The following COP1 variants were observed in gnomAD, a reference collection of about 807,000 sequenced individuals.
COP1 encodes the protein COP1 E3 ubiquitin ligase, also known as E3 ubiquitin-protein ligase COP1.
A neutral mutation model predicts 101.3 loss-of-function variants in COP1; 24 were observed. The ratio of observed to expected loss-of-function variants is 0.24; its 90% confidence interval spans 0.17 to 0.33. The LOEUF (loss-of-function observed/expected upper bound fraction) is 0.33. COP1 is among the 10% of genes least tolerant of loss of function. COP1 has a pLI of 1.00. For synonymous variants in COP1, 347 were observed against 341.9 expected (o/e 1.01, Z -0.17); for missense variants, 663 against 906.2 (o/e 0.73, Z 3.45).
intron 1 of COP1, among the ~76,000 whole-genome samples, chr1:176,204,198 T>C (rs889851772): frequency 3.3e-5 from 5 of 152,182 alleles, no homozygotes; most frequent in Non-Finnish European, 5.9e-5. Context: ...ACAAACAAAA[T>C]TACTTCTCTG....
intron 18 of COP1, among the ~76,000 whole-genome samples, chr1:175,951,221 C>T (rs1488753331): frequency 6.6e-6 from 1 of 151,722 alleles, no homozygotes; most frequent in Non-Finnish European, 1.5e-5. Context: ...TGCACTACAG[C>T]CTGGCCAACA....
At chr1:176,036,788 G>A (rs1472425446) in intron 14 of COP1, among the ~76,000 whole-genome samples, 1 of 152,104 alleles carries the variant, frequency 6.6e-6, no homozygotes, top group Non-Finnish European at 1.5e-5. Context: ...TAAATATTCT[G>A]AGCACATTTA....
intron 15 of COP1, among the ~76,000 whole-genome samples, chr1:176,014,593 A>T (rs908649122): frequency 1.3e-5 from 2 of 152,268 alleles, no homozygotes; most frequent in South Asian, 2.1e-4. Context: ...ATGTTTTTTT[A>T]AAAATTAAAA....
chr1:176,122,406 T>C (rs2149642730), intron 8 of COP1, among the ~76,000 whole-genome samples: 1 of 152,266 alleles, frequency 6.6e-6, no homozygotes, highest in African/African-American at 2.4e-5. Flanking sequence ...GGAATATGAC[T>C]ATACTCTGAC....
chr1:176,191,504 C>T (rs191602215), intron 1 of COP1, among the ~76,000 whole-genome samples: 1 of 152,016 alleles, frequency 6.6e-6, no homozygotes, highest in East Asian at 1.9e-4. Context: ...TTTCTTAATT[C>T]TTCCTTTGCT....
intron 14 of COP1, among the ~76,000 whole-genome samples, chr1:176,032,167 C>T (rs541816493): frequency 1.3e-5 from 2 of 152,278 alleles, no homozygotes; most frequent in East Asian, 1.9e-4. Flanking sequence ...TCCAGACTCG[C>T]TTCTAAACTA....
intron 15 of COP1, among the ~76,000 whole-genome samples, chr1:175,998,480 AG>A (rs1239768451): frequency 6.6e-6 from 1 of 150,432 alleles, no homozygotes; most frequent in African/African-American, 2.5e-5. Flanking sequence ...AATTAAAAAA[AG>A]AGAAAAAAAA....
intron 11 of COP1, among the ~76,000 whole-genome samples, chr1:176,066,988 A>G (rs774466524): frequency 5.3e-5 from 8 of 152,160 alleles, no homozygotes; most frequent in Non-Finnish European, 1.2e-4. Flanking sequence ...ACCCACTCAT[A>G]TGACAACTTA....
At chr1:176,012,590 C>T (rs558486725) in intron 15 of COP1, among the ~76,000 whole-genome samples, 16 of 152,298 alleles carry the variant, frequency 1.1e-4, no homozygotes, top group African/African-American at 3.8e-4. Context: ...TTCATATTCA[C>T]TCACCACTCA....
chr1:176,194,287 C>A (rs1413034141), intron 1 of COP1, among the ~76,000 whole-genome samples: 4 of 152,024 alleles, frequency 2.6e-5, no homozygotes, highest in Non-Finnish European at 5.9e-5. Flanking sequence ...ACAGTACACA[C>A]AAAACCAAGC....
intron 1 of COP1, among the ~76,000 whole-genome samples, chr1:176,197,843 TA>T (rs922185619): frequency 6.6e-6 from 1 of 151,948 alleles, no homozygotes. Context: ...AAGGTCAACA[TA>T]AAAAAAGTGT....
chr1:175,984,802 G>A lies in COP1; in HGVS notation c.2133+2141C>T, dbSNP rs141473586. Among the ~76,000 whole-genome samples, 401 of 152,290 alleles carry A rather than the reference G, an allele frequency of 2.6e-3. 3 individuals carry two copies. Among genetic ancestry groups the A allele is most frequent in the African/African-American group, 9.1e-3 (380 of 41,566 alleles). On this transcript the variant is annotated intron_variant, in intron 18 of 19. Coordinates refer to ENST00000367669, the MANE Select transcript of COP1 (RefSeq NM_022457.7). ...ACATGGAGTCAAAGGAGATCATTTTGGAACTTTAAGATTTGACTGCCCTGT... is the reference window on the plus strand; with the variant it reads ...ACATGGAGTCAAAGGAGATCATTTTAGAACTTTAAGATTTGACTGCCCTGT...
intron 1 of COP1, among the ~76,000 whole-genome samples, chr1:176,194,738 C>T (rs530243398): frequency 6.6e-6 from 1 of 152,016 alleles, no homozygotes; most frequent in East Asian, 1.9e-4. Context: ...AAAACACGTA[C>T]ATAATAGACA....
At chr1:176,125,073 A>C (rs1687791334) in intron 8 of COP1, among the ~76,000 whole-genome samples, 1 of 149,894 alleles carries the variant, frequency 6.7e-6, no homozygotes, top group South Asian at 2.1e-4. Flanking sequence ...AGAAATGTCT[A>C]ATCTTTTACC....
chr1:176,154,052 C>CT (rs1693060767), intron 5 of COP1, among the ~76,000 whole-genome samples: 1 of 152,060 alleles, frequency 6.6e-6, no homozygotes, highest in Admixed American at 6.6e-5. Flanking sequence ...CTTAAGTTTC[C>CT]TTTTTTTGCT....
intron 11 of COP1, among the ~76,000 whole-genome samples, chr1:176,058,068 C>T (rs543114670): frequency 5.0e-5 from 7 of 140,230 alleles, no homozygotes; most frequent in South Asian, 2.6e-4. Flanking sequence ...GCAGCCGCCC[C>T]GGCCGGGAGG....
intron 8 of COP1, among the ~76,000 whole-genome samples, chr1:176,124,755 T>C (rs1687739757): frequency 6.6e-6 from 1 of 152,178 alleles, no homozygotes; most frequent in Admixed American, 6.5e-5. Context: ...CTCTTTCATG[T>C]ATACGTTTCC....
chr1:176,058,674 T>A (rs1674274249), intron 11 of COP1, among the ~76,000 whole-genome samples: 1 of 151,848 alleles, frequency 6.6e-6, no homozygotes, highest in African/African-American at 2.4e-5. Context: ...GTTCACTTGT[T>A]TATCTGCTGA....
chr1:176,036,219 A>G (rs1454459847), intron 14 of COP1, among the ~76,000 whole-genome samples: 1 of 152,040 alleles, frequency 6.6e-6, no homozygotes, highest in Non-Finnish European at 1.5e-5. Context: ...AGACAGAAGT[A>G]TCAAATGACA....
Sources: gnomAD v4.1 joint callset for allele counts (sites outside exome capture counted in the v4.1 genomes callset) on GRCh38, gnomAD v4.1.1 for gene constraint, MANE v1.5 for transcripts, NCBI Gene and HGNC (gene_info 2026-07-23, HGNC 2026-07-21) for gene names.